Variants in GABRG3 observed in about 807,000 individuals in gnomAD.
The protein encoded by GABRG3 is gamma-aminobutyric acid receptor subunit gamma-3.
In GABRG3, 25 loss-of-function variants were observed where a neutral mutation model predicts 48.8. The ratio of observed to expected loss-of-function variants is 0.51; its 90% confidence interval spans 0.37 to 0.72. The LOEUF (loss-of-function observed/expected upper bound fraction) is 0.72, where lower values mean the gene tolerates loss of function less well. Ranked by LOEUF, GABRG3 falls within the 30% of genes least tolerant of loss-of-function variation. The probability of loss-of-function intolerance (pLI) is 0.00; values close to 1 mark genes in which losing one functional copy is unlikely to be tolerated. For synonymous variants in GABRG3, 227 were observed against 217.6 expected (o/e 1.04, Z -0.38); for missense variants, 394 against 577.9 (o/e 0.68, Z 3.26).
intron 3 of GABRG3, among the ~76,000 whole-genome samples, chr15:27,152,062 A>T (rs927432149): frequency 4.6e-5 from 7 of 152,086 alleles, no homozygotes; most frequent in Admixed American, 2.0e-4. Context: ...AGAGAAGTAG[A>T]CCTTTTTTTA....
At chr15:27,296,345 G>A (rs1469645538) in intron 3 of GABRG3, among the ~76,000 whole-genome samples, 1 of 152,076 alleles carries the variant, frequency 6.6e-6, no homozygotes, top group South Asian at 2.1e-4. Context: ...ATAACATATA[G>A]AAATGTCATA....
At chr15:27,306,469 T>C (rs1323035433) in intron 3 of GABRG3, among the ~76,000 whole-genome samples, 1 of 139,972 alleles carries the variant, frequency 7.1e-6, no homozygotes, top group Non-Finnish European at 1.5e-5. Context: ...CATAAACATG[T>C]CTATATATAA....
intron 3 of GABRG3, among the ~76,000 whole-genome samples, chr15:27,291,900 G>A (rs906240926): frequency 4.6e-5 from 7 of 152,138 alleles, no homozygotes; most frequent in African/African-American, 7.2e-5. Context: ...AGGGTATGGC[G>A]GTGCCTCTCC....
At chr15:27,362,694 A>G (rs1247196005) in intron 5 of GABRG3, 4 of 152,212 alleles carry the variant, frequency 2.6e-5, no homozygotes, top group Non-Finnish European at 5.9e-5. Flanking sequence ...TCTGCTCAGC[A>G]TGCTGCGATG....
At chr15:27,099,712 TAA>T (rs36017290) in intron 3 of GABRG3, among the ~76,000 whole-genome samples, 3 of 148,604 alleles carry the variant, frequency 2.0e-5, no homozygotes, top group East Asian at 2.0e-4. Context: ...ACATTATGAA[TAA>T]AAAAAAAATC....
intron 2 of GABRG3, among the ~76,000 whole-genome samples, chr15:27,014,782 C>G (rs978730149): frequency 6.6e-6 from 1 of 152,004 alleles, no homozygotes; most frequent in African/African-American, 2.4e-5. Context: ...TCTGTTAGGT[C>G]CAGTTGGTTT....
intron 3 of GABRG3, among the ~76,000 whole-genome samples, chr15:27,320,254 G>A (rs1188585924): frequency 6.6e-6 from 1 of 152,198 alleles, no homozygotes; most frequent in East Asian, 1.9e-4. Context: ...GACATCCCCT[G>A]TCACCTGCTC....
chr15:27,500,048 G>A (rs1163074911), intron 6 of GABRG3, among the ~76,000 whole-genome samples: 1 of 152,220 alleles, frequency 6.6e-6, no homozygotes, highest in Non-Finnish European at 1.5e-5. Context: ...GCATGGAAGA[G>A]CAGCACTCAG....
chr15:27,029,156 T>G (rs540356910), intron 3 of GABRG3, among the ~76,000 whole-genome samples: 1 of 152,328 alleles, frequency 6.6e-6, no homozygotes, highest in African/African-American at 2.4e-5. Flanking sequence ...GTCCAGTTGG[T>G]TTTCTTTCTA....
intron 3 of GABRG3, among the ~76,000 whole-genome samples, chr15:27,314,987 A>G (rs1893161652): frequency 1.3e-5 from 2 of 152,208 alleles, no homozygotes; most frequent in Admixed American, 6.5e-5. Context: ...ATTGTACAAC[A>G]CTGTCATTGT....
chr15:27,282,777 A>C (rs1476754000), intron 3 of GABRG3, among the ~76,000 whole-genome samples: 1 of 152,098 alleles, frequency 6.6e-6, no homozygotes, highest in Non-Finnish European at 1.5e-5. Flanking sequence ...GTTAGCATCT[A>C]CCTGGTTTGG....
intron 3 of GABRG3, among the ~76,000 whole-genome samples, chr15:27,192,155 A>G (rs1225353755): frequency 6.6e-6 from 1 of 151,416 alleles, no homozygotes; most frequent in Non-Finnish European, 1.5e-5. Flanking sequence ...GCTGCCCTTA[A>G]CATTTTTTCC....
chr15:27,475,320 G>A lies in GABRG3; in HGVS notation c.575-5330G>A, dbSNP rs765530828. ...GCCTCAGCTTTCTTATCTGTAAAAT[G>A]GAGACAGTAATGTCTATGTCATTAG... On this transcript the variant is annotated intron_variant, in intron 5 of 9. Coordinates refer to ENST00000615808, the MANE Select transcript of GABRG3 (RefSeq NM_033223.5). Among the ~76,000 whole-genome samples the A allele has an allele frequency of 1.5e-3, 228 of 152,132 alleles. 6 individuals are homozygous for A. Among genetic ancestry groups the A allele is most frequent in the Non-Finnish European group, 4.7e-4 (32 of 68,026 alleles).
At chr15:27,460,900 G>C (rs1204318312) in intron 5 of GABRG3, among the ~76,000 whole-genome samples, 1 of 152,042 alleles carries the variant, frequency 6.6e-6, no homozygotes, top group Non-Finnish European at 1.5e-5. Context: ...TACTTCTCAG[G>C]GCTAGATAGC....
chr15:27,324,224 C>T (rs938194080), intron 3 of GABRG3, among the ~76,000 whole-genome samples: 3 of 152,182 alleles, frequency 2.0e-5, no homozygotes, highest in African/African-American at 7.2e-5. Context: ...TGTATATATG[C>T]GTATACCTGT....
At chr15:27,098,077 T>A (rs1897295585) in intron 3 of GABRG3, among the ~76,000 whole-genome samples, 1 of 151,880 alleles carries the variant, frequency 6.6e-6, no homozygotes, top group Non-Finnish European at 1.5e-5. Context: ...ACAATTTTAG[T>A]ATTTTAAATT....
intron 3 of GABRG3, among the ~76,000 whole-genome samples, chr15:27,230,516 ATT>A (rs34621883): frequency 2.0e-5 from 3 of 151,916 alleles, no homozygotes; most frequent in African/African-American, 7.3e-5. Context: ...TTAATTATAG[ATT>A]TTTTTCCCTA....
At chr15:27,041,752 G>T (rs533909388) in intron 3 of GABRG3, among the ~76,000 whole-genome samples, 1 of 152,262 alleles carries the variant, frequency 6.6e-6, no homozygotes, top group South Asian at 2.1e-4. Context: ...CAGATGTGTT[G>T]GCCAGGTGAT....
chr15:27,405,883 T>G, intron 5 of GABRG3, among the ~76,000 whole-genome samples: 1 of 151,792 alleles, frequency 6.6e-6, no homozygotes, highest in East Asian at 1.9e-4. Flanking sequence ...TAGAGGAAAA[T>G]GTAGGCAAAT....
Sources: gnomAD v4.1 joint callset for allele counts (sites outside exome capture counted in the v4.1 genomes callset) on GRCh38, gnomAD v4.1.1 for gene constraint, MANE v1.5 for transcripts, NCBI Gene and HGNC (gene_info 2026-07-23, HGNC 2026-07-21) for gene names.